MMRN1: variants seen among roughly 807,000 people sequenced by gnomAD.
The protein encoded by MMRN1 is multimerin 1.
Under a neutral mutation model 100.7 loss-of-function variants are expected in MMRN1, and 94 were observed. The ratio of observed to expected loss-of-function variants is 0.93; its 90% CI spans 0.79 to 1.11. MMRN1 has a LOEUF of 1.11. Ranked by LOEUF, MMRN1 falls within the 50% of genes least tolerant of loss-of-function variation. The pLI, the probability that MMRN1 is intolerant of heterozygous loss-of-function variation, is 0.00. For synonymous variants in MMRN1, 575 were observed against 505.0 expected, an observed-to-expected ratio of 1.14 and a Z score of -1.86; for missense variants, 1,606 against 1,439.1, an observed-to-expected ratio of 1.12 and a Z score of -1.88.
chr4:89,926,872 A>G (rs1722280422), intron 4 of MMRN1, among the ~76,000 whole-genome samples: 4 of 152,262 alleles, frequency 2.6e-5, no homozygotes, highest in African/African-American at 9.6e-5. Context: ...CCCCAGCACC[A>G]TTTATTAAAG....
chr4:89,901,283 T>C (rs1248212570), intron 1 of MMRN1, among the ~76,000 whole-genome samples: 1 of 151,968 alleles, frequency 6.6e-6, no homozygotes, highest in Non-Finnish European at 1.5e-5. Flanking sequence ...AACATGTTAA[T>C]GAGAAGGGTC....
intron 6 of MMRN1, among the ~76,000 whole-genome samples, chr4:89,943,304 T>C (rs1722890222): frequency 6.6e-6 from 1 of 152,184 alleles, no homozygotes; most frequent in Non-Finnish European, 1.5e-5. Context: ...GGTGACTTTA[T>C]TGTCAACTAA....
chr4:89,881,270 C>G (rs1376378412), intron 1 of MMRN1, among the ~76,000 whole-genome samples: 1 of 152,078 alleles, frequency 6.6e-6, no homozygotes, highest in Non-Finnish European at 1.5e-5. Flanking sequence ...ATACTTACTT[C>G]AAAACTCAAA....
intron 3 of MMRN1, 30 bp from the exon 4 acceptor site, chr4:89,923,138 T>C (rs1428601808): frequency 6.3e-6 from 10 of 1,580,978 alleles, no homozygotes; most frequent in Admixed American, 3.4e-5. Context: ...AGTGCTTAAC[T>C]GTCTCTCTTC....
rs1271934138 is a variant in MMRN1 at position 89,936,019 on chromosome 4, A to G, written c.2339A>G (p.His780Arg). ...ETILTFIPQF[H>R]RLNDSIQTLV... The stretch of plus-strand genomic sequence containing the variant: ...ATTTTGACATTTATTCCTCAGTTCC[A>G]CCGTCTGAATGATTCTATTCAGACT... The change falls in exon 6 of 8, where the codon CAC becomes CGC. Residue 780 changes from histidine (H) to arginine (R), a missense_variant. His to Arg is a conservative substitution (Grantham distance 29). Coordinates refer to ENST00000264790, the MANE Select transcript of MMRN1 (RefSeq NM_007351.3). 9 of 1,613,110 alleles carry G rather than the reference A, an allele frequency of 5.6e-6. No individual in the cohort carries two copies. In the Admixed American group the frequency reaches 1.5e-4, roughly 27 times the overall value.
At chr4:89,920,858 A>T (rs956936593) in intron 3 of MMRN1, among the ~76,000 whole-genome samples, 1 of 151,878 alleles carries the variant, frequency 6.6e-6, no homozygotes, top group Non-Finnish European at 1.5e-5. Context: ...CCATTCCTCA[A>T]AATAGAGCTA....
At position 89,895,125 on chromosome 4, in the gene MMRN1, T is replaced by A. The variant is rs1423923104; in HGVS notation, c.154T>A (p.Leu52Met). The change falls in exon 1 of 8, where the codon TTG (leucine) becomes ATG (methionine). Residue 52 changes from leucine (L) to methionine (M), a missense_variant. Coordinates refer to ENST00000264790, the MANE Select transcript of MMRN1 (RefSeq NM_007351.3). ...AGTTCCTCCAAATAAAATACAAAGT[T>A]TGCAAATACTGCCAACCACTCGGGT... Reference protein sequence around the residue: ...ASVPPNKIQSLQILPTTRVMS... With the variant: ...ASVPPNKIQSMQILPTTRVMS... 4 of 1,613,766 alleles carry A rather than the reference T, an allele frequency of 2.5e-6. No individual in the cohort carries two copies. The South Asian group carries it at 4.4e-5, about 18-fold the overall frequency.
At chr4:89,928,806 A>G (rs980108199) in intron 5 of MMRN1, among the ~76,000 whole-genome samples, 2 of 152,234 alleles carry the variant, frequency 1.3e-5, no homozygotes, top group Non-Finnish European at 1.5e-5. Context: ...AAATCTCTCT[A>G]TCTCAAGGTG....
intron 7 of MMRN1, 112 bp from the exon 8 acceptor site, chr4:89,952,885 T>C (rs1445351621): frequency 1.9e-6 from 2 of 1,069,610 alleles, no homozygotes; most frequent in Non-Finnish European, 2.7e-6. Flanking sequence ...ATGGATGGCC[T>C]TTCTCTTCTG....
chr4:89,901,063 G>A (rs1721369007), intron 1 of MMRN1, among the ~76,000 whole-genome samples: 1 of 151,046 alleles, frequency 6.6e-6, no homozygotes, highest in African/African-American at 2.4e-5. Context: ...TTTCAGTTTA[G>A]TGAGCACCAT....
chr4:89,884,140 A>G (rs1211112826), intron 1 of MMRN1, among the ~76,000 whole-genome samples: 2 of 152,130 alleles, frequency 1.3e-5, no homozygotes, highest in Non-Finnish European at 1.5e-5. Context: ...GACATCATGT[A>G]GTATTAACTA....
intron 6 of MMRN1, 74 bp from the exon 7 acceptor site, chr4:89,951,531 C>T: frequency 7.2e-7 from 1 of 1,394,398 alleles, no homozygotes; most frequent in Non-Finnish European, 9.4e-7. Context: ...TATTCTGCTG[C>T]AAACTACGAT....
intron 5 of MMRN1, among the ~76,000 whole-genome samples, chr4:89,929,879 A>T (rs1722382213): frequency 6.6e-6 from 1 of 152,194 alleles, no homozygotes. Flanking sequence ...GGTGAAAAAC[A>T]CTGCGTAATC....
chr4:89,942,020 C>G lies in MMRN1; in HGVS notation c.3118+5222C>G, dbSNP rs565762612. Among the ~76,000 whole-genome samples, 3 of 152,200 alleles carry G rather than the reference C, an allele frequency of 2.0e-5. No individual in the cohort carries two copies. In the East Asian group the frequency reaches 5.8e-4, roughly 29 times the overall value. ...TTGACAACCTTTTCTGTCACCTTGT[C>G]CTCAATAAAGTAGCCAGGCTATCTA... On this transcript the variant is annotated intron_variant, in intron 6 of 7. Transcript: ENST00000264790.
chr4:89,891,610 C>G (rs1048600042), upstream of MMRN1, among the ~76,000 whole-genome samples: 1 of 152,048 alleles, frequency 6.6e-6, no homozygotes, highest in Non-Finnish European at 1.5e-5. Flanking sequence ...AAATCAGTTT[C>G]TCTTCTTCTC....
chr4:89,925,144 T>C (rs1722207887), intron 4 of MMRN1, among the ~76,000 whole-genome samples: 1 of 151,500 alleles, frequency 6.6e-6, no homozygotes, highest in African/African-American at 2.4e-5. Context: ...TTATTATTTA[T>C]TTATTTATTT....
At chr4:89,889,890 C>T (rs1721013219), upstream of MMRN1, among the ~76,000 whole-genome samples, 1 of 152,202 alleles carries the variant, frequency 6.6e-6, no homozygotes, top group South Asian at 2.1e-4. Context: ...TTTCCAGACC[C>T]ACCCCTGCAT....
chr4:89,899,389 G>A (rs1442137387), intron 1 of MMRN1, among the ~76,000 whole-genome samples: 1 of 152,044 alleles, frequency 6.6e-6, no homozygotes, highest in East Asian at 1.9e-4. Context: ...TCTGTCCCAA[G>A]CACTGTGCTT....
In MMRN1 at chr4:89,917,546, A is replaced by G. The variant is rs147566402; in HGVS notation, c.850+5496A>G. Among the ~76,000 whole-genome samples the G allele has an allele frequency of 4.5e-3, 685 of 152,076 alleles. 7 individuals carry two copies. The highest frequency in any genetic ancestry group is 0.016 in the African/African-American group (663 of 41,538). Reference sequence around the variant, plus strand: ...ATTGTCTATAATACAGTCTAAAACTACAGACCAAGTAATATACATCATACC... The same window carrying G: ...ATTGTCTATAATACAGTCTAAAACTGCAGACCAAGTAATATACATCATACC... On this transcript the variant is annotated intron_variant, in intron 3 of 7. Transcript: ENST00000264790.
Sources: allele counts gnomAD v4.1 joint callset (sites outside exome capture counted in the v4.1 genomes callset), GRCh38; gene constraint gnomAD v4.1.1; transcripts MANE v1.5; gene names NCBI Gene and HGNC (gene_info 2026-07-23, HGNC 2026-07-21).